The following CYLC2 variants were observed in gnomAD, a reference collection of about 807,000 sequenced individuals.
CYLC2 encodes cylicin 2.
CYLC2 carries 30 observed loss-of-function variants against 26.1 expected under a neutral mutation model. That is an observed-to-expected ratio of 1.15 (90% CI 0.86 to 1.56). The LOEUF is 1.56. Among genes scored for constraint, CYLC2 ranks in the 40% most tolerant of loss-of-function variants. CYLC2 has a pLI of 0.00. For missense variants in CYLC2, 498 were observed against 394.4 expected, an observed-to-expected ratio of 1.26 and a Z score of -2.23; for synonymous variants, 158 against 132.8, an observed-to-expected ratio of 1.19 and a Z score of -1.31.
At chr9:103,002,647 T>C (rs535667884) in intron 2 of CYLC2, among the ~76,000 whole-genome samples, 3 of 152,200 alleles carry the variant, frequency 2.0e-5, no homozygotes, top group Admixed American at 2.0e-4. Flanking sequence ...CCACCGCGCC[T>C]GGCTGCATTT....
chr9:103,007,351 T>G (rs899191703), intron 5 of CYLC2, among the ~76,000 whole-genome samples: 4 of 152,180 alleles, frequency 2.6e-5, no homozygotes, highest in African/African-American at 9.6e-5. Flanking sequence ...TTATTTTGAT[T>G]GAAAGAAGGA....
chr9:103,010,486 A>C (rs977226055), intron 5 of CYLC2, among the ~76,000 whole-genome samples: 1 of 152,100 alleles, frequency 6.6e-6, no homozygotes, highest in Non-Finnish European at 1.5e-5. Flanking sequence ...AGTAACAATA[A>C]ATTTGCACAG....
At chr9:103,001,542 T>A in intron 1 of CYLC2, 36 bp from the exon 2 acceptor site, 1 of 1,312,052 alleles carries the variant, frequency 7.6e-7, no homozygotes, top group Non-Finnish European at 1.1e-6. Context: ...GATTTTTATA[T>A]AAATTAACTA....
chr9:103,016,341 A>G (rs1203290853), intron 6 of CYLC2, among the ~76,000 whole-genome samples: 1 of 151,996 alleles, frequency 6.6e-6, no homozygotes, highest in African/African-American at 2.4e-5. Flanking sequence ...GGTTCAGCAC[A>G]ATGCTCCAGG....
chr9:103,004,901 A>C, intron 4 of CYLC2, 50 bp downstream of exon 4: 1 of 1,576,386 alleles, frequency 6.3e-7, no homozygotes, highest in Non-Finnish European at 8.6e-7. Context: ...TTCTGATTAG[A>C]TTTCTATTAG....
At position 103,011,998 on chromosome 9, in the gene CYLC2, T is replaced by G. The variant is rs1829412056; in HGVS notation, c.*717T>G. ...TTGATCGAGTCTCGCTCTGTTGCCC[T>G]GGCTGGAGTTCAGTGACATGATCTC... On this transcript the variant is annotated 3_prime_UTR_variant, in exon 6 of 8. Transcript: ENST00000374798. 7.7e-6 allele frequency: 1 copy of G among 129,200 alleles called. No homozygotes were observed. Among genetic ancestry groups the G allele is most frequent in the Non-Finnish European group, 1.6e-5 (1 of 63,528 alleles). The allele number at this position is 129,200 out of a possible 1,614,324, so 8.0% of individuals were successfully genotyped here. A position where few individuals can be genotyped will look rare whatever the true frequency, so the allele number is the denominator to read the frequency against.
intron 3 of CYLC2, 134 bp downstream of exon 3, chr9:103,003,397 T>C (rs949662530): frequency 8.8e-6 from 7 of 792,386 alleles, no homozygotes; most frequent in South Asian, 4.2e-5. Context: ...TATAGTTGTA[T>C]GTGTTATAGA....
At position 103,004,725 on chromosome 9, in the gene CYLC2, C is replaced by A; in HGVS notation, c.211C>A (p.Arg71Ser). The A allele has an allele frequency of 2.5e-6, 4 of 1,601,154 alleles. No individual in the cohort carries two copies. Among genetic ancestry groups the A allele is most frequent in the Non-Finnish European group, 3.4e-6 (4 of 1,175,646 alleles). ...IIDEEQLRGD[R>S]RQPLWMYRSL... ...TGATGAAGAACAATTAAGAGGAGAT[C>A]GTAGACAACCATTATGGATGTACCG... Residue 71 changes from arginine (R) to serine (S), a missense_variant, in exon 4 of 8, where the codon CGT becomes AGT. Arg to Ser is a moderately radical substitution (Grantham distance 110, BLOSUM62 -1). Coordinates refer to ENST00000374798, the MANE Select transcript of CYLC2 (RefSeq NM_001340.5).
intron 6 of CYLC2, among the ~76,000 whole-genome samples, chr9:103,013,570 A>C (rs1176343329): frequency 4.4e-5 from 5 of 112,772 alleles, no homozygotes; most frequent in African/African-American, 1.8e-4. Flanking sequence ...TGTATATCTT[A>C]CATATGTATT....
intron 3 of CYLC2, 86 bp downstream of exon 3, chr9:103,003,349 C>A: frequency 1.7e-6 from 2 of 1,177,750 alleles, no homozygotes; most frequent in Non-Finnish European, 2.4e-6. Flanking sequence ...TATAATTAGT[C>A]TTAAGTAATC....
intron 1 of CYLC2, among the ~76,000 whole-genome samples, chr9:102,998,074 A>C (rs1267638023): frequency 6.6e-6 from 1 of 151,938 alleles, no homozygotes; most frequent in Non-Finnish European, 1.5e-5. Flanking sequence ...GTTACTGAAA[A>C]TGATTTTGAA....
rs75706430 is a variant in CYLC2, at chr9:102,999,935, C to T, written c.18-1643C>T. ...CTGTAATATGCATTTTTAGAATTGA[C>T]CTCAAAAGGATTTGGGTTATTTATA... On this transcript the variant is annotated intron_variant, in intron 1 of 7. Transcript: ENST00000374798. Among the ~76,000 whole-genome samples the T allele has an allele frequency of 7.2e-3, 1,100 of 151,756 alleles. 23 individuals carry two copies. The highest frequency in any genetic ancestry group is 0.01 in the South Asian group (49 of 4,808).
At chr9:103,011,006 G>A (rs551542402) in intron 5 of CYLC2, among the ~76,000 whole-genome samples, 1 of 151,934 alleles carries the variant, frequency 6.6e-6, no homozygotes, top group South Asian at 2.1e-4. Flanking sequence ...TAAGAATATT[G>A]ATTCTAGAAA....
At chr9:103,013,651 TATAA>T (rs1829444823) in intron 6 of CYLC2, among the ~76,000 whole-genome samples, 1 of 112,404 alleles carries the variant, frequency 8.9e-6, no homozygotes, top group Non-Finnish European at 1.6e-5. Context: ...TATATAAAAA[TATAA>T]ATATATTATA....
chr9:103,000,273 C>A (rs983920009), intron 1 of CYLC2, among the ~76,000 whole-genome samples: 1 of 151,746 alleles, frequency 6.6e-6, no homozygotes. Flanking sequence ...TTATTGATTT[C>A]AAATTCAATT....
intron 6 of CYLC2, among the ~76,000 whole-genome samples, chr9:103,013,182 T>TATATTATATAAATATATATTTAAA: frequency 8.0e-6 from 1 of 125,428 alleles, no homozygotes; most frequent in Non-Finnish European, 1.7e-5. Context: ...ATATATTTAA[T>TATATTATATAAATATATATTTAAA]ATATTATATA....
rs779792426 is a variant in CYLC2 at position 103,003,095 on chromosome 9, G to A, written c.59-47G>A. 24 of 1,601,156 alleles carry A rather than the reference G, an allele frequency of 1.5e-5. No individual in the cohort carries two copies. In the South Asian group the frequency reaches 2.1e-4, roughly 14 times the overall value. On this transcript the variant is annotated intron_variant, in intron 2 of 7. Transcript: ENST00000374798. ...CACGTAATGCCATTTCAGCTCTGAT[G>A]GAATTCTATTCACTCCAAAATGTGT...
At chr9:103,003,606 C>T (rs1829310448) in intron 3 of CYLC2, among the ~76,000 whole-genome samples, 1 of 152,110 alleles carries the variant, frequency 6.6e-6, no homozygotes, top group African/African-American at 2.4e-5. Flanking sequence ...TCAAAGTCTA[C>T]CACTTAAAGA....
intron 7 of CYLC2, among the ~76,000 whole-genome samples, chr9:103,017,707 G>A (rs1197205834): frequency 6.6e-6 from 1 of 152,020 alleles, no homozygotes; most frequent in African/African-American, 2.4e-5. Context: ...AGACTGGTTT[G>A]CTAGGACTGC....
Sources: gnomAD v4.1 joint callset for allele counts (sites outside exome capture counted in the v4.1 genomes callset) on GRCh38, gnomAD v4.1.1 for gene constraint, MANE v1.5 for transcripts, NCBI Gene and HGNC (gene_info 2026-07-23, HGNC 2026-07-21) for gene names.